The following ANGPT1 variants were observed in gnomAD, a reference collection of about 807,000 sequenced individuals.
ANGPT1 encodes angiopoietin-1.
A neutral mutation model predicts 62.2 loss-of-function variants in ANGPT1; 17 were observed. The observed-to-expected ratio is 0.27, with a 90% CI of 0.19 to 0.41. The LOEUF is 0.41. Ranked by LOEUF, ANGPT1 falls within the 10% of genes least tolerant of loss-of-function variation. ANGPT1 has a pLI of 1.00. For missense variants in ANGPT1, 478 were observed against 594.9 expected, an observed-to-expected ratio of 0.80 and a Z score of 2.04; for synonymous variants, 199 against 198.9, an observed-to-expected ratio of 1.00 and a Z score of 0.00.
intron 1 of ANGPT1, among the ~76,000 whole-genome samples, chr8:107,408,058 C>G (rs1306488584): frequency 4.0e-5 from 6 of 148,848 alleles, no homozygotes; most frequent in Non-Finnish European, 8.9e-5. Flanking sequence ...GAGTAATGTA[C>G]AGAAATGCTA....
At position 107,250,944 on chromosome 8, in the gene ANGPT1, C is replaced by T. The variant is rs1022750564; in HGVS notation, c.*911G>A. ...TTAACATACTCCAAAATATTGCTTT[C>T]CTGTATAATATCAAAGGAAATATTA... On this transcript the variant is annotated 3_prime_UTR_variant, in exon 9 of 9. Coordinates refer to ENST00000517746, the MANE Select transcript of ANGPT1 (RefSeq NM_001146.5). 3 of 152,002 alleles carry T rather than the reference C, an allele frequency of 2.0e-5. No homozygotes were observed. The highest frequency in any genetic ancestry group is 4.4e-5 in the Non-Finnish European group (3 of 67,958). The allele number at this position is 152,002 out of a possible 1,614,324, so 9.4% of individuals were successfully genotyped here.
intron 4 of ANGPT1, among the ~76,000 whole-genome samples, chr8:107,317,523 G>T (rs1815042782): frequency 1.3e-5 from 2 of 151,152 alleles, no homozygotes; most frequent in Admixed American, 6.6e-5. Context: ...TTTTTTACAT[G>T]CTGTTAGTAA....
chr8:107,415,745 A>G (rs1415720832), intron 1 of ANGPT1, among the ~76,000 whole-genome samples: 2 of 152,174 alleles, frequency 1.3e-5, no homozygotes, highest in Non-Finnish European at 2.9e-5. Flanking sequence ...GTCTGCTCGC[A>G]TGTTATGTGG....
At chr8:107,299,211 TA>T (rs1814493064) in intron 5 of ANGPT1, among the ~76,000 whole-genome samples, 1 of 151,306 alleles carries the variant, frequency 6.6e-6, no homozygotes, top group African/African-American at 2.4e-5. Context: ...ATCGTTAACA[TA>T]AATAATGATC....
At chr8:107,465,980 C>T (rs1008364893) in intron 1 of ANGPT1, among the ~76,000 whole-genome samples, 1 of 152,180 alleles carries the variant, frequency 6.6e-6, no homozygotes, top group Non-Finnish European at 1.5e-5. Context: ...CTAATATTCT[C>T]CTCTGGTTAG....
chr8:107,478,497 T>G (rs1812593293), intron 1 of ANGPT1, among the ~76,000 whole-genome samples: 1 of 152,076 alleles, frequency 6.6e-6, no homozygotes, highest in Non-Finnish European at 1.5e-5. Flanking sequence ...TGCAGTAAAC[T>G]GAGATCGCAC....
intron 1 of ANGPT1, among the ~76,000 whole-genome samples, chr8:107,444,891 CG>C (rs1811574427): frequency 6.6e-6 from 1 of 152,082 alleles, no homozygotes; most frequent in African/African-American, 2.4e-5. Flanking sequence ...ACCAAAAACC[CG>C]GGGAGTGAAC....
chr8:107,427,089 T>G (rs764679422), intron 1 of ANGPT1, among the ~76,000 whole-genome samples: 2 of 152,236 alleles, frequency 1.3e-5, no homozygotes, highest in African/African-American at 4.8e-5. Flanking sequence ...CTGTTCCCCA[T>G]GCACTCCCTT....
intron 1 of ANGPT1, among the ~76,000 whole-genome samples, chr8:107,466,097 G>GT (rs1482335211): frequency 2.6e-5 from 4 of 152,274 alleles, no homozygotes; most frequent in Admixed American, 6.5e-5. Context: ...GGACTAAGAG[G>GT]TTTTTTGTAT....
intron 7 of ANGPT1, among the ~76,000 whole-genome samples, chr8:107,279,338 G>C (rs2130110260): frequency 6.6e-6 from 1 of 152,314 alleles, no homozygotes; most frequent in South Asian, 2.1e-4. Context: ...ATAGAAAATT[G>C]AGAACTGGAA....
chr8:107,389,396 T>C (rs1418040387), intron 1 of ANGPT1, among the ~76,000 whole-genome samples: 1 of 152,080 alleles, frequency 6.6e-6, no homozygotes, highest in African/African-American at 2.4e-5. Context: ...TAGATTAGCC[T>C]GGGAAATGAA....
chr8:107,316,988 AC>A (rs1428650860), intron 4 of ANGPT1, among the ~76,000 whole-genome samples: 1 of 152,204 alleles, frequency 6.6e-6, no homozygotes, highest in East Asian at 1.9e-4. Flanking sequence ...AAGGGCTAAC[AC>A]GTGGAAAGCC....
intron 7 of ANGPT1, among the ~76,000 whole-genome samples, chr8:107,276,623 T>C (rs1321897751): frequency 1.2e-4 from 4 of 33,556 alleles, no homozygotes; most frequent in African/African-American, 5.1e-4. Flanking sequence ...AGTACTTTAA[T>C]GATTTAAAAA....
chr8:107,325,259 T>C (rs1020721165), intron 3 of ANGPT1, among the ~76,000 whole-genome samples: 2 of 152,252 alleles, frequency 1.3e-5, no homozygotes, highest in Non-Finnish European at 2.9e-5. Context: ...ATCTGAGAAT[T>C]AACCACGACC....
At chr8:107,323,661 A>G (rs1464274336) in intron 3 of ANGPT1, among the ~76,000 whole-genome samples, 1 of 152,226 alleles carries the variant, frequency 6.6e-6, no homozygotes, top group African/African-American at 2.4e-5. Context: ...TGGATGGATC[A>G]GCATGGTAGA....
At position 107,294,015 on chromosome 8, in the gene ANGPT1, T is replaced by C. The variant is rs753842334; in HGVS notation, c.959A>G (p.Asn320Ser). ...TTGTATTACAGTCCAACCTCCCCCA[T>C]TGACATCCATATTGCAAAACACCTG... Reference protein sequence around the residue: ...PKKVFCNMDVNGGGWTVIQHR... With the variant: ...PKKVFCNMDVSGGGWTVIQHR... Residue 320 changes from asparagine to serine, a missense_variant, in exon 6 of 9, where the codon AAT (asparagine) becomes AGT (serine). Physicochemically the swap from Asn to Ser is conservative, Grantham distance 46. This residue lies in a region of ANGPT1 where 81 missense variants were observed against 117.1 expected (regional missense o/e 0.69). Transcript: ENST00000517746. 6 of 1,612,532 alleles carry C rather than the reference T, an allele frequency of 3.7e-6. No individual in the cohort carries two copies. The highest frequency in any genetic ancestry group is 3.3e-5 in the Admixed American group (2 of 59,760).
chr8:107,461,708 C>T (rs936115474), intron 1 of ANGPT1, among the ~76,000 whole-genome samples: 5 of 152,062 alleles, frequency 3.3e-5, no homozygotes, highest in African/African-American at 4.8e-5. Context: ...GGCCAAAGTA[C>T]ACCATTAACA....
chr8:107,371,639 C>G lies in ANGPT1; in HGVS notation c.298-24542G>C, dbSNP rs1303588398. Among the ~76,000 whole-genome samples, 34 of 138,960 alleles carry G rather than the reference C, an allele frequency of 2.4e-4. 1 individual carries two copies. The highest frequency in any genetic ancestry group is 2.3e-3 in the South Asian group (10 of 4,372). 91.2% of individuals were successfully genotyped at this position (138,960 alleles called of 152,430 possible). On this transcript the variant is annotated intron_variant, in intron 1 of 8. Coordinates refer to ENST00000517746, the MANE Select transcript of ANGPT1 (RefSeq NM_001146.5). ...TTGCCCAGGCTGGAGTACAGTGGCA[C>G]AATCTTGGCTCACTGCAACCTCCAC...
chr8:107,306,223 C>T (rs1724796593), intron 4 of ANGPT1, among the ~76,000 whole-genome samples: 1 of 152,016 alleles, frequency 6.6e-6, no homozygotes, highest in Non-Finnish European at 1.5e-5. Context: ...TGCTGTCTTC[C>T]ACCTTCTAAT....
Sources: gnomAD v4.1 joint callset for allele counts (sites outside exome capture counted in the v4.1 genomes callset) on GRCh38, gnomAD v4.1.1 for gene constraint, gnomAD v4.1.1 regional missense constraint, MANE v1.5 for transcripts, NCBI Gene and HGNC (gene_info 2026-07-23, HGNC 2026-07-21) for gene names.